Variants in GLIS3 observed in about 807,000 individuals in gnomAD.
The protein encoded by GLIS3 is zinc finger protein GLIS3.
A neutral mutation model predicts 78.6 loss-of-function variants in GLIS3; 53 were observed. The ratio of observed to expected loss-of-function variants is 0.67; its 90% CI spans 0.54 to 0.85. The LOEUF (loss-of-function observed/expected upper bound fraction) is 0.85. Ranked by LOEUF, GLIS3 falls within the 40% of genes least tolerant of loss-of-function variation. GLIS3 has a pLI of 0.00. For missense variants in GLIS3, 1,703 were observed against 1,231.1 expected (o/e 1.38, Z -5.74); for synonymous variants, 684 against 509.9 (o/e 1.34, Z -4.60).
chr9:4,397,495 C>G, the GLIS3 span, among the ~76,000 whole-genome samples: 5 of 151,678 alleles, frequency 3.3e-5, no homozygotes, highest in African/African-American at 1.2e-4. Context: ...ACTGCTTCCC[C>G]CTGACTCCCC....
At chr9:4,037,549 C>CACAG (rs944073843) in intron 4 of GLIS3, among the ~76,000 whole-genome samples, 3 of 53,166 alleles carry the variant, frequency 5.6e-5, no homozygotes, top group Non-Finnish European at 2.2e-4. Flanking sequence ...GTGCACACAA[C>CACAG]ACACACACAC....
the GLIS3 span, among the ~76,000 whole-genome samples, chr9:4,386,204 A>C: frequency 1.3e-5 from 2 of 152,140 alleles, no homozygotes; most frequent in Admixed American, 1.3e-4. Flanking sequence ...TAATCACCCT[A>C]CTCAGAAGGA....
At chr9:3,991,972 G>C (rs566465204) in intron 4 of GLIS3, among the ~76,000 whole-genome samples, 28 of 152,286 alleles carry the variant, frequency 1.8e-4, no homozygotes, top group African/African-American at 6.7e-4. Flanking sequence ...TTACAGGCAT[G>C]AGCCACCCTG....
chr9:3,947,502 CT>C (rs1158481041), intron 4 of GLIS3, among the ~76,000 whole-genome samples: 32 of 152,244 alleles, frequency 2.1e-4, no homozygotes, highest in Non-Finnish European at 4.3e-4. Context: ...TGGGCACACA[CT>C]TTAACACTTG....
chr9:3,941,589 G>A (rs73641232), intron 4 of GLIS3, among the ~76,000 whole-genome samples: 30 of 152,092 alleles, frequency 2.0e-4, no homozygotes, highest in African/African-American at 7.2e-4. Context: ...ACATTCCCCT[G>A]TTGAGAAAAA....
chr9:4,364,783 G>C, the GLIS3 span, among the ~76,000 whole-genome samples: 8 of 17,946 alleles, frequency 4.5e-4, no homozygotes, highest in South Asian at 9.4e-3. Flanking sequence ...TTTTTTTAAA[G>C]AGACAGGGTC....
At chr9:4,070,444 G>T (rs1431803500) in intron 4 of GLIS3, among the ~76,000 whole-genome samples, 1 of 152,116 alleles carries the variant, frequency 6.6e-6, no homozygotes, top group East Asian at 1.9e-4. Context: ...TCTATACACT[G>T]TGACCAAAAA....
At chr9:4,265,567 G>T (rs918805126) in intron 2 of GLIS3, among the ~76,000 whole-genome samples, 2 of 152,172 alleles carry the variant, frequency 1.3e-5, no homozygotes, top group Admixed American at 1.3e-4. Context: ...TACCTCTAAT[G>T]CTTCCATTCT....
At chr9:4,349,134 A>G (rs1490727761), upstream of GLIS3, among the ~76,000 whole-genome samples, 3 of 152,222 alleles carry the variant, frequency 2.0e-5, no homozygotes, top group African/African-American at 7.2e-5. Context: ...TGATCCCTCA[A>G]CTTTCAACTT....
the GLIS3 span, among the ~76,000 whole-genome samples, chr9:4,446,970 G>A: frequency 3.9e-5 from 6 of 151,952 alleles, no homozygotes; most frequent in Admixed American, 1.3e-4. Flanking sequence ...AACGTGCCCC[G>A]TGATTCTTAC....
At chr9:3,848,120 A>G (rs1819173022) in intron 9 of GLIS3, among the ~76,000 whole-genome samples, 1 of 152,248 alleles carries the variant, frequency 6.6e-6, no homozygotes, top group Non-Finnish European at 1.5e-5. Flanking sequence ...TTCTTGACTT[A>G]CTGCTTTATT....
At chr9:4,348,165 G>T (rs1817918311) in intron 1 of GLIS3, 1 of 152,178 alleles carries the variant, frequency 6.6e-6, no homozygotes, top group Non-Finnish European at 1.5e-5. Flanking sequence ...AAGTATCTGT[G>T]TTAGAATTAG....
At chr9:3,957,422 C>T (rs1018298045) in intron 4 of GLIS3, among the ~76,000 whole-genome samples, 5 of 152,156 alleles carry the variant, frequency 3.3e-5, no homozygotes, top group East Asian at 1.9e-4. Flanking sequence ...ACTGAGCCTG[C>T]GTGTGCAGGA....
chr9:3,908,119 T>G (rs1215585454), intron 6 of GLIS3, among the ~76,000 whole-genome samples: 1 of 152,204 alleles, frequency 6.6e-6, no homozygotes, highest in Non-Finnish European at 1.5e-5. Flanking sequence ...CAATAAGGAC[T>G]GAAAGGGGCT....
At chr9:4,043,310 C>A (rs1344540146) in intron 4 of GLIS3, among the ~76,000 whole-genome samples, 1 of 151,730 alleles carries the variant, frequency 6.6e-6, no homozygotes, top group Non-Finnish European at 1.5e-5. Flanking sequence ...AGCAAGAAAT[C>A]CAGTTTTCTT....
intron 4 of GLIS3, among the ~76,000 whole-genome samples, chr9:3,962,115 G>C (rs530082946): frequency 6.6e-6 from 1 of 152,222 alleles, no homozygotes; most frequent in South Asian, 2.1e-4. Context: ...AGCTACCTGG[G>C]AGGCTGAGGT....
the GLIS3 span, among the ~76,000 whole-genome samples, chr9:4,391,578 T>C: frequency 6.6e-6 from 1 of 150,788 alleles, no homozygotes; most frequent in African/African-American, 2.5e-5. Context: ...TGTGTGTGTG[T>C]TGGGCTCGGG....
intron 2 of GLIS3, among the ~76,000 whole-genome samples, chr9:4,282,741 T>TTA (rs1011349671): frequency 2.1e-5 from 3 of 144,554 alleles, no homozygotes; most frequent in Admixed American, 6.9e-5. Flanking sequence ...ACAAATTTCT[T>TTA]TATATATATA....
chr9:4,418,240 C>A, the GLIS3 span, among the ~76,000 whole-genome samples: 11 of 146,090 alleles, frequency 7.5e-5, no homozygotes, highest in South Asian at 2.5e-3. Flanking sequence ...ATGGCTGAGG[C>A]AATTTTTAAT....
Sources: allele counts gnomAD v4.1 joint callset (sites outside exome capture counted in the v4.1 genomes callset), GRCh38; gene constraint gnomAD v4.1.1; transcripts MANE v1.5; gene names NCBI Gene and HGNC (gene_info 2026-07-23, HGNC 2026-07-21).